P2RX5: variants seen among roughly 807,000 people sequenced by gnomAD.
P2RX5 encodes the protein purinergic receptor P2X 5, also known as P2X purinoceptor 5.
Under a neutral mutation model 54.1 loss-of-function variants are expected in P2RX5, and 46 were observed. The observed-to-expected ratio is 0.85, with a 90% CI of 0.67 to 1.09. The LOEUF (loss-of-function observed/expected upper bound fraction) is 1.09. P2RX5 is among the 50% of genes least tolerant of loss of function. The pLI, the probability that P2RX5 is intolerant of heterozygous loss-of-function variation, is 0.00. For missense variants in P2RX5, 566 were observed against 549.8 expected, an observed-to-expected ratio of 1.03 and a Z score of -0.29; for synonymous variants, 226 against 226.4, an observed-to-expected ratio of 1.00 and a Z score of 0.02.
At position 3,679,655 on chromosome 17, in the gene P2RX5, C is replaced by T. The variant is rs146599669; in HGVS notation, c.1194G>A (p.Ala398=). ...CCTTCTGACTGCTGCTTCCACGCTT[C>T]GCCTCGGGTGGCTCCTGCAGCTCCT... The part of the protein sequence containing the change: ...EQQELQEPPE[A]KRGSSSQKGN... Residue 398 remains alanine (A), a synonymous_variant, in exon 11 of 12, where the codon GCG becomes GCA. Transcript: ENST00000225328. The T allele has an allele frequency of 3.7e-5, 59 of 1,610,686 alleles. No homozygotes were observed. The highest frequency in any genetic ancestry group is 3.3e-4 in the Middle Eastern group (2 of 6,080).
At chr17:3,679,911 C>T (rs2050192560) in intron 10 of P2RX5, 127 bp from the exon 11 acceptor site, 1 of 801,442 alleles carries the variant, frequency 1.2e-6, no homozygotes, top group African/African-American at 1.7e-5. Flanking sequence ...CAGCCGGTGT[C>T]CTCCACCCTG....
the P2RX5 span, among the ~76,000 whole-genome samples, chr17:3,702,818 C>T: frequency 6.6e-6 from 1 of 152,208 alleles, no homozygotes; most frequent in African/African-American, 2.4e-5. Context: ...ATGCGTGAGC[C>T]ACTGTACCCA....
chr17:3,673,905 T>C, intron 11 of P2RX5, 28 bp from the exon 12 acceptor site: 2 of 1,598,480 alleles, frequency 1.3e-6, no homozygotes, highest in Non-Finnish European at 1.7e-6. Flanking sequence ...AAAGGAGCTC[T>C]TGAGAGGCTG....
the P2RX5 span, among the ~76,000 whole-genome samples, chr17:3,710,299 C>T: frequency 6.6e-6 from 1 of 151,848 alleles, no homozygotes; most frequent in Admixed American, 6.6e-5. Context: ...TGGTGGCATG[C>T]ACCTGCAGTC....
At chr17:3,679,460 G>T in intron 11 of P2RX5, 130 bp downstream of exon 11, 1 of 790,726 alleles carries the variant, frequency 1.3e-6, no homozygotes, top group Non-Finnish European at 2.1e-6. Context: ...GTTCCTAGAT[G>T]TCCTGCCTTG....
Position 3,673,685 on chromosome 17 carries a change from G to T in P2RX5, c.*183C>A. The T allele has an allele frequency of 6.5e-7, 1 of 1,528,726 alleles. No individual in the cohort carries two copies. 94.7% of individuals were successfully genotyped at this position (1,528,726 alleles called of 1,614,324 possible). Reference sequence around the variant, plus strand: ...ACAGCCATGATGGGTCCGTCCTGATGACCCCAGCATCAGACGTGGAGGTCA... The same window carrying T: ...ACAGCCATGATGGGTCCGTCCTGATTACCCCAGCATCAGACGTGGAGGTCA... On this transcript the variant is annotated 3_prime_UTR_variant, in exon 12 of 12. Coordinates refer to ENST00000225328, the MANE Select transcript of P2RX5 (RefSeq NM_002561.4).
rs374914411 is a variant in P2RX5 at position 3,690,589 on chromosome 17, C to T, written c.436+16G>A. The T allele has an allele frequency of 7.2e-5, 116 of 1,613,340 alleles. No homozygotes were observed. The highest frequency in any genetic ancestry group is 3.6e-4 in the South Asian group (33 of 91,086). On this transcript the variant is annotated intron_variant, in intron 4 of 11. Transcript: ENST00000225328. ...TCCGAGTCCTCCTTCAGCCCGTGGC[C>T]GCTCCAGGCCCTCACCGTTTCCAGC... is the stretch of plus-strand genomic sequence containing the variant.
rs150253374 is a variant in P2RX5 at position 3,679,656 on chromosome 17, G to C, written c.1193C>G (p.Ala398Gly). 9 of 1,610,584 alleles carry C rather than the reference G, an allele frequency of 5.6e-6. 1 individual carries two copies. The highest frequency in any genetic ancestry group is 7.6e-6 in the Non-Finnish European group (9 of 1,179,820). ...EQQELQEPPE[A>G]KRGSSSQKGN... The stretch of plus-strand genomic sequence containing the variant: ...CTTCTGACTGCTGCTTCCACGCTTC[G>C]CCTCGGGTGGCTCCTGCAGCTCCTG... The change falls in exon 11 of 12, where the codon GCG becomes GGG. Residue 398 changes from alanine (A) to glycine (G), a missense_variant. Transcript: ENST00000225328.
At chr17:3,709,737 C>T in the P2RX5 span, among the ~76,000 whole-genome samples, 1 of 151,838 alleles carries the variant, frequency 6.6e-6, no homozygotes, top group Non-Finnish European at 1.5e-5. Flanking sequence ...GGTGAAACCC[C>T]GTCTCTACTA....
intron 9 of P2RX5, among the ~76,000 whole-genome samples, chr17:3,683,816 A>G (rs142033991): frequency 9.2e-5 from 14 of 151,674 alleles, no homozygotes; most frequent in African/African-American, 3.4e-4. Context: ...GGACCCTCCC[A>G]GTGACTGTCT....
the P2RX5 span, chr17:3,714,540 T>G: frequency 4.5e-6 from 1 of 222,292 alleles, no homozygotes; most frequent in Non-Finnish European, 8.8e-6. Flanking sequence ...TCTATCATTT[T>G]TTAAAAATAA....
rs538758085 is a variant in P2RX5 at position 3,683,877 on chromosome 17, C to T, written c.982-1899G>A. Among the ~76,000 whole-genome samples, 48 of 152,310 alleles carry T rather than the reference C, an allele frequency of 3.2e-4. No homozygotes were observed. In the Middle Eastern group the frequency reaches 0.01, roughly 32 times the overall value. On this transcript the variant is annotated intron_variant, in intron 9 of 11. Coordinates refer to ENST00000225328, the MANE Select transcript of P2RX5 (RefSeq NM_002561.4). ...ACTTTTCTTGACCCCCTCCCAGGAA[C>T]GTGGTCCTGGTATGGGACACAATTT...
Position 3,690,049 on chromosome 17 carries a change from C to T in P2RX5, c.614+21G>A, listed in dbSNP as rs116688722. 3,930 of 1,611,154 alleles carry T rather than the reference C, an allele frequency of 2.4e-3. 96 individuals are homozygous for T. In the African/African-American group the frequency reaches 0.047, roughly 19 times the overall value. ...ATCGACCAAGGCCCACCCGTGGCCCCCAGTAGCCAAGCCCACGTACTTGGA... is the reference window on the plus strand; with the variant it reads ...ATCGACCAAGGCCCACCCGTGGCCCTCAGTAGCCAAGCCCACGTACTTGGA... On this transcript the variant is annotated intron_variant, in intron 6 of 11. Coordinates refer to ENST00000225328, the MANE Select transcript of P2RX5 (RefSeq NM_002561.4).
At chr17:3,704,156 A>G in the P2RX5 span, among the ~76,000 whole-genome samples, 1 of 152,166 alleles carries the variant, frequency 6.6e-6, no homozygotes, top group Non-Finnish European at 1.5e-5. Context: ...AATCCCATAA[A>G]ATCATATGGT....
chr17:3,677,731 A>C, intron 11 of P2RX5: 1 of 985,314 alleles, frequency 1.0e-6, no homozygotes, highest in Non-Finnish European at 1.2e-6. Flanking sequence ...GGCCCAGCAC[A>C]CAGCATGCGT....
the P2RX5 span, chr17:3,723,379 A>AG: frequency 6.2e-7 from 1 of 1,612,058 alleles, no homozygotes; most frequent in Non-Finnish European, 8.5e-7. Flanking sequence ...CCATTCTTCC[A>AG]CATGCTGGAA....
intron 10 of P2RX5, among the ~76,000 whole-genome samples, chr17:3,680,990 TC>T (rs2050261872): frequency 6.9e-6 from 1 of 144,118 alleles, no homozygotes; most frequent in Admixed American, 6.8e-5. Flanking sequence ...CCACCCAGTG[TC>T]CTCCACCCTG....
At chr17:3,716,563 G>A in the P2RX5 span, 41 of 666,566 alleles carry the variant, frequency 6.2e-5, no homozygotes, top group Middle Eastern at 2.5e-4. Context: ...AGTTGAAGGA[G>A]GAGAAAAAAG....
rs1046371967 is a variant in P2RX5, at chr17:3,691,705, G to C, written c.227C>G (p.Thr76Ser). ...VITKVKGVAF[T>S]NTSDLGQRIW... ...CCGCTGCCCAAGATCCGAGGTGTTG[G>C]TGAAGGCCACGCCCTTGACTTTGGT... The change falls in exon 2 of 12, where the codon ACC becomes AGC. Residue 76 changes from threonine (T) to serine (S), a missense_variant. Thr to Ser is a moderately conservative substitution (Grantham distance 58). Coordinates refer to ENST00000225328, the MANE Select transcript of P2RX5 (RefSeq NM_002561.4). 5 of 1,614,128 alleles carry C rather than the reference G, an allele frequency of 3.1e-6. No individual in the cohort carries two copies. The highest frequency in any genetic ancestry group is 1.7e-5 in the Admixed American group (1 of 60,012).
Sources: gnomAD v4.1 joint callset for allele counts (sites outside exome capture counted in the v4.1 genomes callset) on GRCh38, gnomAD v4.1.1 for gene constraint, MANE v1.5 for transcripts, NCBI Gene and HGNC (gene_info 2026-07-23, HGNC 2026-07-21) for gene names.